Variants in TRIM60 observed in about 807,000 individuals in gnomAD.
The protein encoded by TRIM60 is tripartite motif-containing protein 60.
For synonymous variants in TRIM60, 189 were observed against 195.2 expected, an observed-to-expected ratio of 0.97 and a Z score of 0.27; for missense variants, 524 against 540.8, an observed-to-expected ratio of 0.97 and a Z score of 0.31.
intron 1 of TRIM60, among the ~76,000 whole-genome samples, chr4:165,036,402 C>T (rs1304423219): frequency 6.6e-6 from 1 of 152,128 alleles, no homozygotes; most frequent in Non-Finnish European, 1.5e-5. Flanking sequence ...TTTACATCAT[C>T]TTACATGTTT....
chr4:165,037,185 G>GAGCAAAACTGTCTCAAAACGA (rs1733640307), intron 1 of TRIM60, among the ~76,000 whole-genome samples: 1 of 152,034 alleles, frequency 6.6e-6, no homozygotes, highest in Admixed American at 6.6e-5. Context: ...TGGGCAACGA[G>GAGCAAAACTGTCTCAAAACGA]AGCAAAACTG....
Position 165,040,562 on chromosome 4 carries a change from C to A in TRIM60, c.490C>A (p.Leu164Met). The change falls in exon 3 of 3, where the codon CTG becomes ATG. Residue 164 changes from leucine (L) to methionine (M), a missense_variant. Transcript: ENST00000512596. ...NIERVEKVII[L>M]QGSKSVELKK... ...AGAACGAGTTGAAAAAGTGATAATT[C>A]TGCAAGGCAGCAAATCAGTGGAGCT... 1 of 1,614,090 alleles carries A rather than the reference C, an allele frequency of 6.2e-7. No homozygotes were observed. Among genetic ancestry groups the A allele is most frequent in the South Asian group, 1.1e-5 (1 of 91,066 alleles).
rs1412945389 is a variant in TRIM60 at position 165,041,034 on chromosome 4, G to T, written c.962G>T (p.Arg321Ile). The change falls in exon 3 of 3, where the codon AGA (arginine) becomes ATA (isoleucine). Residue 321 changes from arginine (R) to isoleucine (I), a missense_variant. By Grantham distance (97) the Arg-to-Ile change is moderately conservative (BLOSUM62 -3). Coordinates refer to ENST00000512596, the MANE Select transcript of TRIM60 (RefSeq NM_152620.3). ...SEDRKAVRYE[R>I]KKRNICYDPR... ...GATAGAAAAGCTGTGCGATATGAAA[G>T]AAAAAAACGAAACATTTGTTATGAC... The T allele has an allele frequency of 1.2e-6, 2 of 1,613,728 alleles. No homozygotes were observed. The highest frequency in any genetic ancestry group is 1.7e-5 in the Admixed American group (1 of 59,950).
chr4:165,037,337 T>A (rs1009560946), intron 1 of TRIM60, among the ~76,000 whole-genome samples: 27 of 152,062 alleles, frequency 1.8e-4, no homozygotes, highest in Non-Finnish European at 7.4e-5. Flanking sequence ...TTTGTTTTGT[T>A]TTGTTTTTGC....
chr4:165,041,264 G>T lies in TRIM60; in HGVS notation c.1192G>T (p.Ala398Ser). ...GCGATACATGAAGAGTGGTTATGTT[G>T]CGTCAGGTCCTAAGACAACCCAGCT... is the stretch of plus-strand genomic sequence containing the variant. ...IGRYMKSGYV[A>S]SGPKTTQLLP... is the part of the protein sequence containing the mutation. Residue 398 changes from alanine (A) to serine (S), a missense_variant, in exon 3 of 3, where the codon GCG (alanine) becomes TCG (serine). Coordinates refer to ENST00000512596, the MANE Select transcript of TRIM60 (RefSeq NM_152620.3). The T allele has an allele frequency of 6.2e-7, 1 of 1,614,160 alleles. No individual in the cohort carries two copies.
At chr4:165,037,116 G>A (rs939675799) in intron 1 of TRIM60, among the ~76,000 whole-genome samples, 7 of 151,556 alleles carry the variant, frequency 4.6e-5, no homozygotes, top group African/African-American at 1.2e-4. Context: ...CAGGAGAATC[G>A]CTTGAACCCA....
chr4:165,038,438 C>T (rs1166152127), intron 1 of TRIM60, among the ~76,000 whole-genome samples: 2 of 151,786 alleles, frequency 1.3e-5, no homozygotes, highest in African/African-American at 4.8e-5. Flanking sequence ...CCTATAATCC[C>T]AGCACTTTGG....
Position 165,040,581 on chromosome 4 carries a change from T to C in TRIM60, c.509T>C (p.Val170Ala), listed in dbSNP as rs775706864. 1.9e-6 allele frequency: 3 copies of C among 1,614,014 alleles called. No individual in the cohort carries two copies. The highest frequency in any genetic ancestry group is 2.5e-6 in the Non-Finnish European group (3 of 1,180,012). The change falls in exon 3 of 3, where the codon GTG (valine) becomes GCG (alanine). Residue 170 changes from valine to alanine, a missense_variant. Physicochemically the swap from Val to Ala is moderately conservative, Grantham distance 64 (BLOSUM62 0). Transcript: ENST00000512596. ...ATAATTCTGCAAGGCAGCAAATCAG[T>C]GGAGCTGAAAAAGAAGGTAGAATAT... is the stretch of plus-strand genomic sequence containing the variant. ...KVIILQGSKS[V>A]ELKKKVEYKR...
At chr4:165,035,470 C>T (rs977749869) in intron 1 of TRIM60, among the ~76,000 whole-genome samples, 9 of 152,162 alleles carry the variant, frequency 5.9e-5, no homozygotes, top group South Asian at 4.1e-4. Flanking sequence ...TCCAAAAGTC[C>T]GCTCTGCGTG....
chr4:165,041,321 A>G lies in TRIM60; in HGVS notation c.1249A>G (p.Ile417Val), dbSNP rs1317367709. Residue 417 changes from isoleucine (I) to valine (V), a missense_variant, in exon 3 of 3, where the codon ATT becomes GTT. Physicochemically the swap from Ile to Val is conservative, Grantham distance 29 (BLOSUM62 3). Coordinates refer to ENST00000512596, the MANE Select transcript of TRIM60 (RefSeq NM_152620.3). ...AGTAGTAAAACCCAGTAAAATTGGTATTTTTCTGGACTATGAATTGGGTGA... is the reference window on the plus strand; with the variant it reads ...AGTAGTAAAACCCAGTAAAATTGGTGTTTTTCTGGACTATGAATTGGGTGA... Reference protein sequence around the residue: ...LPVVKPSKIGIFLDYELGDLS... With the variant: ...LPVVKPSKIGVFLDYELGDLS... The G allele has an allele frequency of 1.2e-6, 2 of 1,614,008 alleles. No homozygotes were observed. Among genetic ancestry groups the G allele is most frequent in the Non-Finnish European group, 1.7e-6 (2 of 1,180,028 alleles).
chr4:165,032,639 C>T (rs763038751), intron 1 of TRIM60, among the ~76,000 whole-genome samples: 9 of 152,128 alleles, frequency 5.9e-5, no homozygotes, highest in Non-Finnish European at 8.8e-5. Context: ...GAAGTGGCCA[C>T]GTGATCTCCA....
chr4:165,033,537 A>G (rs1733553700), intron 1 of TRIM60, among the ~76,000 whole-genome samples: 2 of 152,252 alleles, frequency 1.3e-5, no homozygotes, highest in African/African-American at 4.8e-5. Flanking sequence ...GTAATACTTA[A>G]GAGTAAGAAA....
chr4:165,035,501 A>G (rs1047349006), intron 1 of TRIM60, among the ~76,000 whole-genome samples: 1 of 152,244 alleles, frequency 6.6e-6, no homozygotes, highest in African/African-American at 2.4e-5. Flanking sequence ...GGACCTGCTT[A>G]GTTTCTCTGA....
At chr4:165,038,624 C>G (rs965920620) in intron 1 of TRIM60, among the ~76,000 whole-genome samples, 3 of 120,022 alleles carry the variant, frequency 2.5e-5, no homozygotes, top group Non-Finnish European at 3.3e-5. Context: ...TTGGGTGACA[C>G]AGAAAGACCC....
intron 2 of TRIM60, 122 bp downstream of exon 2, chr4:165,039,374 A>C (rs1475880264): frequency 6.6e-6 from 1 of 152,206 alleles, no homozygotes; most frequent in African/African-American, 2.4e-5. Flanking sequence ...TTCTTGCCTG[A>C]ACCAGTTATT....
chr4:165,040,845 A>C lies in TRIM60; in HGVS notation c.773A>C (p.Lys258Thr). The change falls in exon 3 of 3, where the codon AAG becomes ACG. Residue 258 changes from lysine to threonine, a missense_variant. Transcript: ENST00000512596. ...ACACAAGCTAAGAGTATGCACCACA[A>C]GTATCAAAACCTAAAATGCCCTGAA... Reference protein sequence around the residue: ...LLTQAKSMHHKYQNLKCPELF... With the variant: ...LLTQAKSMHHTYQNLKCPELF... 6.2e-7 allele frequency: 1 copy of C among 1,613,920 alleles called. No individual in the cohort carries two copies. The highest frequency in any genetic ancestry group is 1.1e-5 in the South Asian group (1 of 91,000).
chr4:165,040,384 G>A lies in TRIM60; in HGVS notation c.312G>A (p.Leu104=). Residue 104 remains leucine, a synonymous_variant, in exon 3 of 3, where the codon CTG becomes CTA. Transcript: ENST00000512596. ...TGTGTGAAAAACACAACCAGTTTCT[G>A]ACCCTCTTCTGTGTTAAAGATCTAG... ...NAMCEKHNQF[L]TLFCVKDLEI... is the part of the protein sequence containing the mutation. The A allele has an allele frequency of 9.3e-6, 15 of 1,614,178 alleles. No individual in the cohort carries two copies. The highest frequency in any genetic ancestry group is 1.3e-5 in the Non-Finnish European group (15 of 1,180,024).
intron 2 of TRIM60, among the ~76,000 whole-genome samples, 152 bp from the exon 3 acceptor site, chr4:165,039,917 C>G (rs998158007): frequency 6.6e-6 from 1 of 152,076 alleles, no homozygotes; most frequent in African/African-American, 2.4e-5. Flanking sequence ...AACAAGACTT[C>G]AGTGGGTGCC....
At chr4:165,037,480 T>C (rs1733646303) in intron 1 of TRIM60, among the ~76,000 whole-genome samples, 1 of 151,660 alleles carries the variant, frequency 6.6e-6, no homozygotes, top group African/African-American at 2.4e-5. Flanking sequence ...TGTGCCACCA[T>C]GCCCAGCTAG....
Sources: gnomAD v4.1 joint callset for allele counts (sites outside exome capture counted in the v4.1 genomes callset) on GRCh38, gnomAD v4.1.1 for gene constraint, MANE v1.5 for transcripts, NCBI Gene and HGNC (gene_info 2026-07-23, HGNC 2026-07-21) for gene names.